The following PAPOLA variants were observed in gnomAD, a reference collection of about 807,000 sequenced individuals.
PAPOLA encodes the protein poly(A) polymerase alpha.
In PAPOLA, 15 loss-of-function variants were observed where a neutral mutation model predicts 100.6. The ratio of observed to expected loss-of-function variants is 0.15; its 90% CI spans 0.10 to 0.23. The LOEUF (loss-of-function observed/expected upper bound fraction) is 0.23. Among genes scored for constraint, PAPOLA ranks in the 10% least tolerant of loss-of-function variants. PAPOLA has a pLI of 1.00. For missense variants in PAPOLA, 533 were observed against 884.2 expected, an observed-to-expected ratio of 0.60 and a Z score of 5.04; for synonymous variants, 293 against 300.0, an observed-to-expected ratio of 0.98 and a Z score of 0.24.
chr14:96,510,172 G>T (rs899747362), intron 1 of PAPOLA, among the ~76,000 whole-genome samples: 1 of 151,486 alleles, frequency 6.6e-6, no homozygotes, highest in Non-Finnish European at 1.5e-5. Flanking sequence ...TGGATTTTAC[G>T]GCAGTTTTTA....
At chr14:96,557,793 A>T (rs1273928190) in intron 19 of PAPOLA, among the ~76,000 whole-genome samples, 1 of 149,380 alleles carries the variant, frequency 6.7e-6, no homozygotes. Context: ...AAGTAATCTG[A>T]TGAATTTTGT....
chr14:96,512,097 A>G (rs190815976), intron 1 of PAPOLA, among the ~76,000 whole-genome samples: 1 of 152,304 alleles, frequency 6.6e-6, no homozygotes, highest in African/African-American at 2.4e-5. Context: ...TTAATGGTGA[A>G]CGGTAGAATT....
Position 96,532,114 on chromosome 14 carries a change from C to A in PAPOLA, c.608-217C>A, listed in dbSNP as rs899306125. 6.6e-6 allele frequency: 9 copies of A among 1,359,446 alleles called. No individual in the cohort carries two copies. The African/African-American group carries it at 1.2e-4, about 18-fold the overall frequency. The allele number at this position is 1,359,446 out of a possible 1,614,324, so 84.2% of individuals were successfully genotyped here. ...CTTTGGTTTCTTTGGTCAGTGCTTACAATAGGAGATAAATGCTTTAGATTT... is the reference window on the plus strand; with the variant it reads ...CTTTGGTTTCTTTGGTCAGTGCTTAAAATAGGAGATAAATGCTTTAGATTT... On this transcript the variant is annotated intron_variant, in intron 7 of 21. Transcript: ENST00000216277.
intron 3 of PAPOLA, 106 bp downstream of exon 3, chr14:96,521,178 T>C: frequency 1.5e-6 from 1 of 683,894 alleles, no homozygotes; most frequent in Non-Finnish European, 2.7e-6. Context: ...GAGTCTTTAA[T>C]GTGGAGTCAA....
intron 19 of PAPOLA, among the ~76,000 whole-genome samples, chr14:96,556,778 T>G (rs1566866467): frequency 6.6e-6 from 1 of 152,228 alleles, no homozygotes; most frequent in Non-Finnish European, 1.5e-5. Flanking sequence ...AGTTTTTTGC[T>G]TCTGTGATCC....
At chr14:96,538,969 A>G (rs559150424) in intron 12 of PAPOLA, among the ~76,000 whole-genome samples, 1 of 152,118 alleles carries the variant, frequency 6.6e-6, no homozygotes, top group Admixed American at 6.5e-5. Context: ...ACCATGGAGA[A>G]AAATCTCGTT....
At chr14:96,530,830 T>G (rs1898941145) in intron 6 of PAPOLA, among the ~76,000 whole-genome samples, 1 of 152,220 alleles carries the variant, frequency 6.6e-6, no homozygotes, top group Admixed American at 6.5e-5. Context: ...TTTTGCTGTT[T>G]TGAGTCAGGG....
rs767461385 is a variant in PAPOLA at position 96,547,955 on chromosome 14, ATAATG to A, written c.1521+39_1521+43del. 6 of 1,513,640 alleles carry A rather than the reference ATAATG, an allele frequency of 4.0e-6. No individual in the cohort carries two copies. The Admixed American group carries it at 1.1e-4, about 28-fold the overall frequency. 93.8% of individuals were successfully genotyped at this position (1,513,640 alleles called of 1,614,324 possible). On this transcript the variant is annotated intron_variant, in intron 16 of 21. Transcript: ENST00000216277. ...AAGTACTTACAAAAGCATTACTAAC[ATAATG>A]TTTTATGCATCTGGACTATCATTAT...
chr14:96,542,287 G>T lies in PAPOLA; in HGVS notation c.1160G>T (p.Arg387Leu), dbSNP rs766022830. ...GCAAGTGCACCAACAGAAAAACAACGCCTGGAATGGTGAGTATAAGAATAG... is the reference window on the plus strand; with the variant it reads ...GCAAGTGCACCAACAGAAAAACAACTCCTGGAATGGTGAGTATAAGAATAG... Reference protein sequence around the residue: ...LLASAPTEKQRLEWVGLVESK... With the variant: ...LLASAPTEKQLLEWVGLVESK... Residue 387 changes from arginine to leucine, a missense_variant, in exon 13 of 22, where the codon CGC (arginine) becomes CTC (leucine). Physicochemically the swap from Arg to Leu is moderately radical, Grantham distance 102 (BLOSUM62 -2). Transcript: ENST00000216277. 1 of 1,594,184 alleles carries T rather than the reference G, an allele frequency of 6.3e-7. No homozygotes were observed. The highest frequency in any genetic ancestry group is 8.6e-7 in the Non-Finnish European group (1 of 1,162,262).
At chr14:96,522,037 A>G (rs547897032) in intron 3 of PAPOLA, among the ~76,000 whole-genome samples, 7 of 150,956 alleles carry the variant, frequency 4.6e-5, no homozygotes, top group African/African-American at 1.7e-4. Flanking sequence ...CCTGACCTCA[A>G]GTGATCCACC....
intron 1 of PAPOLA, among the ~76,000 whole-genome samples, chr14:96,515,124 T>A (rs1897364165): frequency 6.6e-6 from 1 of 152,178 alleles, no homozygotes; most frequent in Admixed American, 6.5e-5. Flanking sequence ...AGAACTAGAA[T>A]AGTTGAAAAC....
intron 6 of PAPOLA, among the ~76,000 whole-genome samples, chr14:96,530,801 A>C (rs1346829758): frequency 6.6e-6 from 1 of 152,168 alleles, no homozygotes; most frequent in Admixed American, 6.5e-5. Context: ...TCCTGGCTTT[A>C]AGGAAAATTA....
At chr14:96,556,134 G>T in intron 18 of PAPOLA, 41 bp from the exon 19 acceptor site, 1 of 1,471,736 alleles carries the variant, frequency 6.8e-7, no homozygotes. Context: ...ATACTGATTT[G>T]GTTATTTTAA....
intron 5 of PAPOLA, 98 bp downstream of exon 5, chr14:96,527,637 C>A (rs1898605676): frequency 4.3e-6 from 3 of 704,482 alleles, no homozygotes; most frequent in South Asian, 3.4e-5. Flanking sequence ...TGAGTTCTTG[C>A]AATTTGCCAA....
chr14:96,529,936 C>G (rs571274944), intron 6 of PAPOLA, among the ~76,000 whole-genome samples: 2 of 152,294 alleles, frequency 1.3e-5, no homozygotes, highest in East Asian at 3.9e-4. Flanking sequence ...TTGTTTTAGG[C>G]TGTACTTTCC....
intron 11 of PAPOLA, chr14:96,536,768 G>C: frequency 2.4e-6 from 1 of 409,566 alleles, no homozygotes; most frequent in South Asian, 5.5e-5. Flanking sequence ...TACTTTACCA[G>C]AAACCTGGTT....
intron 19 of PAPOLA, 43 bp downstream of exon 19, chr14:96,556,456 A>G (rs1436881466): frequency 8.1e-7 from 1 of 1,231,998 alleles, no homozygotes; most frequent in African/African-American, 1.5e-5. Context: ...GGCAACACCA[A>G]CTGCCTATTT....
chr14:96,531,961 T>C (rs983018258), intron 7 of PAPOLA: 2 of 1,254,680 alleles, frequency 1.6e-6, no homozygotes, highest in African/African-American at 1.6e-5. Context: ...AATTTTATAT[T>C]AGCATAGCTT....
At chr14:96,531,875 C>T (rs1365917854) in intron 7 of PAPOLA, 6 of 1,370,614 alleles carry the variant, frequency 4.4e-6, no homozygotes, top group Non-Finnish European at 4.7e-6. Flanking sequence ...CATGGCCTAA[C>T]CCAAATTAAT....
Sources: gnomAD v4.1 joint callset for allele counts (sites outside exome capture counted in the v4.1 genomes callset) on GRCh38, gnomAD v4.1.1 for gene constraint, MANE v1.5 for transcripts, NCBI Gene and HGNC (gene_info 2026-07-23, HGNC 2026-07-21) for gene names.